Variants in PTPRM observed in about 807,000 individuals in gnomAD.
PTPRM encodes receptor-type tyrosine-protein phosphatase mu.
PTPRM carries 47 observed loss-of-function variants against 186.7 expected under a neutral mutation model. The observed-to-expected ratio is 0.25, with a 90% CI of 0.20 to 0.32. The LOEUF is 0.32. Ranked by LOEUF, PTPRM falls within the 10% of genes least tolerant of loss-of-function variation. The pLI is 1.00. For synonymous variants in PTPRM, 668 were observed against 674.9 expected (o/e 0.99, Z 0.16); for missense variants, 1,494 against 1,865.0 (o/e 0.80, Z 3.66).
intron 13 of PTPRM, among the ~76,000 whole-genome samples, chr18:8,118,936 A>C (rs1376372660): frequency 6.6e-6 from 1 of 151,450 alleles, no homozygotes; most frequent in East Asian, 1.9e-4. Context: ...GGCCCAGGGA[A>C]GTCAAAAGAT....
At chr18:8,037,189 C>T (rs1007774955) in intron 7 of PTPRM, among the ~76,000 whole-genome samples, 14 of 152,132 alleles carry the variant, frequency 9.2e-5, no homozygotes, top group Non-Finnish European at 2.1e-4. Flanking sequence ...TTCAAAATCC[C>T]TGTGCTTTTT....
intron 13 of PTPRM, among the ~76,000 whole-genome samples, chr18:8,133,313 C>G (rs1376706394): frequency 6.6e-6 from 1 of 152,180 alleles, no homozygotes; most frequent in Non-Finnish European, 1.5e-5. Context: ...TCTTTTCTTC[C>G]TGGCCATCTC....
At chr18:8,254,464 AT>A (rs1242094709) in intron 19 of PTPRM, among the ~76,000 whole-genome samples, 1 of 152,238 alleles carries the variant, frequency 6.6e-6, no homozygotes, top group Non-Finnish European at 1.5e-5. Flanking sequence ...GCAGTCATTG[AT>A]GAAGTTAAAG....
intron 19 of PTPRM, among the ~76,000 whole-genome samples, chr18:8,258,307 A>T (rs1368278075): frequency 6.6e-6 from 1 of 152,174 alleles, no homozygotes; most frequent in East Asian, 1.9e-4. Context: ...TTCACTCACG[A>T]GGGACAGACA....
intron 2 of PTPRM, among the ~76,000 whole-genome samples, chr18:7,808,628 T>C (rs1568160277): frequency 6.6e-6 from 1 of 152,338 alleles, no homozygotes; most frequent in South Asian, 2.1e-4. Context: ...TTTTCTGTTG[T>C]GCTCAATCTT....
chr18:7,798,465 G>C (rs2043784909), intron 2 of PTPRM, among the ~76,000 whole-genome samples: 1 of 151,694 alleles, frequency 6.6e-6, no homozygotes, highest in Non-Finnish European at 1.5e-5. Flanking sequence ...GGAGGAGGAG[G>C]TTGCAGTGAG....
chr18:8,056,117 G>C (rs746246449), intron 7 of PTPRM, among the ~76,000 whole-genome samples: 6 of 152,028 alleles, frequency 3.9e-5, no homozygotes, highest in Admixed American at 1.3e-4. Context: ...CTTTATGGAT[G>C]TATTCTTCAT....
chr18:8,188,774 T>C (rs190166236), intron 14 of PTPRM, among the ~76,000 whole-genome samples: 9 of 152,224 alleles, frequency 5.9e-5, no homozygotes, highest in Non-Finnish European at 1.2e-4. Context: ...GTGTGTGTGT[T>C]GGGGGTGGGG....
At chr18:7,985,156 C>T (rs1599871259) in intron 7 of PTPRM, among the ~76,000 whole-genome samples, 1 of 120,064 alleles carries the variant, frequency 8.3e-6, no homozygotes, top group African/African-American at 3.3e-5. Context: ...TGTATATACA[C>T]ATATAAATAT....
At chr18:7,659,032 C>G (rs941958653) in intron 1 of PTPRM, among the ~76,000 whole-genome samples, 1 of 151,812 alleles carries the variant, frequency 6.6e-6, no homozygotes, top group South Asian at 2.1e-4. Flanking sequence ...ATATTCAGGT[C>G]TTCAGTCAAA....
chr18:7,816,975 ATTTT>A (rs71354570), intron 2 of PTPRM, among the ~76,000 whole-genome samples: 26 of 138,606 alleles, frequency 1.9e-4, no homozygotes, highest in African/African-American at 4.6e-4. Flanking sequence ...TAGTTAATTA[ATTTT>A]TTTTTTTTTT....
At chr18:8,365,314 A>G (rs2095621797) in intron 23 of PTPRM, among the ~76,000 whole-genome samples, 1 of 152,192 alleles carries the variant, frequency 6.6e-6, no homozygotes, top group Non-Finnish European at 1.5e-5. Context: ...GAGCACGAGG[A>G]AATACAAGGA....
At chr18:7,649,346 G>A (rs1435695674) in intron 1 of PTPRM, among the ~76,000 whole-genome samples, 1 of 152,080 alleles carries the variant, frequency 6.6e-6, no homozygotes, top group East Asian at 1.9e-4. Context: ...TGTAGTCTAC[G>A]GATCAAGGAA....
chr18:8,282,677 A>G (rs568668496), intron 19 of PTPRM, among the ~76,000 whole-genome samples: 3 of 152,182 alleles, frequency 2.0e-5, no homozygotes, highest in African/African-American at 7.2e-5. Flanking sequence ...AACAACAGCA[A>G]CAATAACAAC....
chr18:7,787,410 G>A (rs942746535), intron 2 of PTPRM, among the ~76,000 whole-genome samples: 1 of 152,210 alleles, frequency 6.6e-6, no homozygotes, highest in African/African-American at 2.4e-5. Context: ...GGAACATTGG[G>A]CATCTCTGTT....
intron 1 of PTPRM, among the ~76,000 whole-genome samples, chr18:7,703,386 A>C (rs2040007241): frequency 6.6e-6 from 1 of 152,152 alleles, no homozygotes; most frequent in African/African-American, 2.4e-5. Flanking sequence ...GAGGTCCTTC[A>C]CATCCCTTGT....
chr18:8,403,415 T>G (rs546696943), intron 32 of PTPRM: 28 of 152,302 alleles, frequency 1.8e-4, no homozygotes, highest in African/African-American at 6.7e-4. Context: ...AATTACCTGT[T>G]GGGTATAACA....
At chr18:7,993,429 G>A (rs1568148739) in intron 7 of PTPRM, among the ~76,000 whole-genome samples, 1 of 152,050 alleles carries the variant, frequency 6.6e-6, no homozygotes, top group African/African-American at 2.4e-5. Context: ...GCACATTATA[G>A]TTAAACTGTC....
At chr18:8,125,231 C>G (rs1007472754) in intron 13 of PTPRM, among the ~76,000 whole-genome samples, 4 of 149,920 alleles carry the variant, frequency 2.7e-5, no homozygotes, top group Non-Finnish European at 5.9e-5. Flanking sequence ...AAAAAGTGCT[C>G]ATAAATATTT....
Sources: gnomAD v4.1 joint callset for allele counts (sites outside exome capture counted in the v4.1 genomes callset) on GRCh38, gnomAD v4.1.1 for gene constraint, MANE v1.5 for transcripts, NCBI Gene and HGNC (gene_info 2026-07-23, HGNC 2026-07-21) for gene names.